Variants in UBE2E1 observed in about 807,000 individuals in gnomAD.
The protein encoded by UBE2E1 is ubiquitin-conjugating enzyme E2 E1.
UBE2E1 carries 6 observed loss-of-function variants against 21.4 expected under a neutral mutation model. The ratio of observed to expected loss-of-function variants is 0.28; its 90% CI spans 0.15 to 0.55. The LOEUF is 0.55. Among genes scored for constraint, UBE2E1 ranks in the 20% least tolerant of loss-of-function variants. The pLI, the probability that UBE2E1 is intolerant of heterozygous loss-of-function variation, is 0.93. For synonymous variants in UBE2E1, 87 were observed against 82.7 expected, an observed-to-expected ratio of 1.05 and a Z score of -0.28; for missense variants, 142 against 236.5, an observed-to-expected ratio of 0.60 and a Z score of 2.62.
Position 23,863,113 on chromosome 3 carries a change from C to A in UBE2E1, c.204-24454C>A, listed in dbSNP as rs1700589898. On this transcript the variant is annotated intron_variant, in intron 3 of 5. Coordinates refer to ENST00000306627, the MANE Select transcript of UBE2E1 (RefSeq NM_003341.5). The surrounding 1 kb of genome is among the most constrained non-coding windows in gnomAD (Gnocchi z 4.3). ...GCTCTCTAGTGGCAACTACTTGTAC[C>A]TCCTTGAGCCGAGTACTTTGTTGTT... 6.7e-6 allele frequency among the ~76,000 whole-genome samples: 1 copy of A among 149,954 alleles called. No individual in the cohort carries two copies. Among genetic ancestry groups the A allele is most frequent in the Admixed American group, 6.6e-5 (1 of 15,052 alleles).
intron 3 of UBE2E1, among the ~76,000 whole-genome samples, chr3:23,826,175 A>G (rs755734042): frequency 1.3e-5 from 2 of 152,210 alleles, no homozygotes; most frequent in Non-Finnish European, 2.9e-5. Flanking sequence ...TAACAGTTCT[A>G]TTATATCTAG....
At chr3:23,877,662 T>TG (rs984285050) in intron 3 of UBE2E1, among the ~76,000 whole-genome samples, 7 of 151,940 alleles carry the variant, frequency 4.6e-5, no homozygotes, top group Admixed American at 2.6e-4. Context: ...TATGGGTGTT[T>TG]GGGGGGGTTT....
chr3:23,887,854 T>C lies in UBE2E1; in HGVS notation c.336+155T>C. On this transcript the variant is annotated intron_variant, in intron 4 of 5. Transcript: ENST00000306627. The surrounding 1 kb of genome is among the most constrained non-coding windows in gnomAD (Gnocchi z 4.4). ...AACATATACAAAACACTTCTTTAGG[T>C]TGATTTTGCCTTATCTGGCAGAGAC... 1 of 1,074,990 alleles carries C rather than the reference T, an allele frequency of 9.3e-7. No individual in the cohort carries two copies. Among genetic ancestry groups the C allele is most frequent in the Non-Finnish European group, 1.3e-6 (1 of 778,602 alleles). The allele number at this position is 1,074,990 out of a possible 1,614,324, so 66.6% of individuals were successfully genotyped here. A position where few individuals can be genotyped will look rare whatever the true frequency, so the allele number is the denominator to read the frequency against.
chr3:23,878,552 A>G (rs1283206600), intron 3 of UBE2E1, among the ~76,000 whole-genome samples: 1 of 152,254 alleles, frequency 6.6e-6, no homozygotes, highest in Non-Finnish European at 1.5e-5. Context: ...GTGAAGCTCC[A>G]TCTGTATTTA....
At chr3:23,833,515 G>T (rs1195666729) in intron 3 of UBE2E1, among the ~76,000 whole-genome samples, 1 of 152,238 alleles carries the variant, frequency 6.6e-6, no homozygotes, top group Non-Finnish European at 1.5e-5. Flanking sequence ...AACGCCACAT[G>T]AGAGTCTGAA....
chr3:23,807,371 T>G lies in UBE2E1; in HGVS notation c.102T>G (p.Ser34Arg), dbSNP rs1265850827. 2 of 1,612,144 alleles carry G rather than the reference T, an allele frequency of 1.2e-6. No individual in the cohort carries two copies. Among genetic ancestry groups the G allele is most frequent in the South Asian group, 1.1e-5 (1 of 90,906 alleles). ...CAAACACCCCCAAGAAGAAGGAGAG[T>G]AAAGTCAGCATGAGCAAAAACTCCA... Reference protein sequence around the residue: ...KETNTPKKKESKVSMSKNSKL... With the variant: ...KETNTPKKKERKVSMSKNSKL... Residue 34 changes from serine (S) to arginine (R), a missense_variant, in exon 2 of 6, where the codon AGT (serine) becomes AGG (arginine). Transcript: ENST00000306627.
chr3:23,818,957 A>T (rs895572614), intron 3 of UBE2E1, among the ~76,000 whole-genome samples: 1 of 152,182 alleles, frequency 6.6e-6, no homozygotes, highest in African/African-American at 2.4e-5. Context: ...GTAGGCTGAG[A>T]GGAAGAAGCA....
rs78871027 is a variant in UBE2E1, at chr3:23,836,606, C to G, written c.203+25096C>G. 6.8e-3 allele frequency among the ~76,000 whole-genome samples: 1,038 copies of G among 152,278 alleles called. 13 individuals carry two copies. The highest frequency in any genetic ancestry group is 0.024 in the African/African-American group (987 of 41,552). On this transcript the variant is annotated intron_variant, in intron 3 of 5. Transcript: ENST00000306627. This position sits in a 1 kb window ranked among gnomAD's most constrained non-coding sequence, Gnocchi z 4.1. ...TGGAAGTTTTAGAGCTGAAAGGGAA[C>G]TTAGATCTAGTTCAGTTCCTCATTT...
In UBE2E1 at chr3:23,863,054, TA is replaced by T. The variant is rs11318221; in HGVS notation, c.204-24496del. On this transcript the variant is annotated intron_variant, in intron 3 of 5. Transcript: ENST00000306627. This position sits in a 1 kb window ranked among gnomAD's most constrained non-coding sequence, Gnocchi z 4.3. ...AAGGCTTTAATATTTCTTTGTTTGT[TA>T]AAAAAAAAAAAAAAAACTATTCCCA... is the stretch of plus-strand genomic sequence containing the variant. Among the ~76,000 whole-genome samples, 31,817 of 147,250 alleles carry T rather than the reference TA, an allele frequency of 0.22. 3,320 individuals carry two copies. The highest frequency in any genetic ancestry group is 0.26 in the African/African-American group (10,277 of 40,276).
intron 3 of UBE2E1, among the ~76,000 whole-genome samples, chr3:23,811,970 CTT>C (rs1304325067): frequency 6.6e-6 from 1 of 152,166 alleles, no homozygotes; most frequent in Non-Finnish European, 1.5e-5. Flanking sequence ...TTTTATTAGA[CTT>C]TTGGCAGAGC....
chr3:23,835,597 T>TACTTTTAAATGTAA (rs1438255407), intron 3 of UBE2E1, among the ~76,000 whole-genome samples: 1 of 152,200 alleles, frequency 6.6e-6, no homozygotes, highest in Non-Finnish European at 1.5e-5. Flanking sequence ...AAGTAATGTA[T>TACTTTTAAATGTAA]ACTTTTAAAG....
chr3:23,875,631 G>C (rs968318311), intron 3 of UBE2E1, among the ~76,000 whole-genome samples: 9 of 152,184 alleles, frequency 5.9e-5, no homozygotes, highest in African/African-American at 1.2e-4. Context: ...CTTTTGGAGG[G>C]CTTTGTTAGA....
chr3:23,834,695 C>G (rs1044021049), intron 3 of UBE2E1, among the ~76,000 whole-genome samples: 1 of 152,156 alleles, frequency 6.6e-6, no homozygotes, highest in African/African-American at 2.4e-5. Context: ...CATCACTGCA[C>G]TCCTTCCTGG....
At chr3:23,879,683 G>A (rs1700992250) in intron 3 of UBE2E1, among the ~76,000 whole-genome samples, 1 of 152,210 alleles carries the variant, frequency 6.6e-6, no homozygotes, top group Non-Finnish European at 1.5e-5. Context: ...GGCCGCGGCG[G>A]AGGACAGGGC....
At chr3:23,843,698 C>T (rs1024742499) in intron 3 of UBE2E1, among the ~76,000 whole-genome samples, 2 of 149,616 alleles carry the variant, frequency 1.3e-5, no homozygotes, top group African/African-American at 5.0e-5. Flanking sequence ...TCTTCCATAC[C>T]AGTGTCATCT....
chr3:23,813,926 C>T (rs1216287423), intron 3 of UBE2E1, among the ~76,000 whole-genome samples: 2 of 152,174 alleles, frequency 1.3e-5, no homozygotes, highest in Non-Finnish European at 2.9e-5. Context: ...AAATTACCCT[C>T]AGCATGAAAG....
intron 3 of UBE2E1, among the ~76,000 whole-genome samples, chr3:23,827,355 T>C (rs1699779707): frequency 6.6e-6 from 1 of 152,242 alleles, no homozygotes; most frequent in African/African-American, 2.4e-5. Context: ...TCTGGACAGC[T>C]TTTTAGATTT....
chr3:23,860,634 A>C lies in UBE2E1; in HGVS notation c.204-26933A>C, dbSNP rs550336736. 5.9e-5 allele frequency among the ~76,000 whole-genome samples: 9 copies of C among 152,356 alleles called. 1 individual carries two copies. The South Asian group carries it at 1.9e-3, about 32-fold the overall frequency. ...ACAAGCACAACCCAACCAACGTATC[A>C]AGTGAACTGACTAAAAGTATTCATT... On this transcript the variant is annotated intron_variant, in intron 3 of 5. Coordinates refer to ENST00000306627, the MANE Select transcript of UBE2E1 (RefSeq NM_003341.5).
chr3:23,818,119 T>A (rs1371948778), intron 3 of UBE2E1, among the ~76,000 whole-genome samples: 1 of 152,132 alleles, frequency 6.6e-6, no homozygotes, highest in Non-Finnish European at 1.5e-5. Flanking sequence ...CTGATTTCGA[T>A]ATGGAGGACT....
Sources: gnomAD v4.1 joint callset for allele counts (sites outside exome capture counted in the v4.1 genomes callset) on GRCh38, gnomAD v4.1.1 for gene constraint, Gnocchi (gnomAD v3.1) non-coding constraint, MANE v1.5 for transcripts, NCBI Gene and HGNC (gene_info 2026-07-23, HGNC 2026-07-21) for gene names.